The following FAM120C variants were observed in gnomAD, a reference collection of about 807,000 sequenced individuals.
FAM120C encodes family with sequence similarity 120 member C.
A neutral mutation model predicts 71.2 loss-of-function variants in FAM120C; 14 were observed. The observed-to-expected ratio is 0.20, with a 90% CI of 0.13 to 0.31. The LOEUF (loss-of-function observed/expected upper bound fraction) is 0.31. Among genes scored for constraint, FAM120C ranks in the 10% least tolerant of loss-of-function variants. The pLI, the probability that FAM120C is intolerant of heterozygous loss-of-function variation, is 1.00. For synonymous variants in FAM120C, 354 were observed against 353.2 expected (o/e 1.00, Z -0.03); for missense variants, 500 against 879.0 (o/e 0.57, Z 5.45).
chrX:54,149,172 T>C (rs2067172353), intron 4 of FAM120C, among the ~76,000 whole-genome samples: 1 of 112,053 alleles, frequency 8.9e-6, no homozygotes, highest in South Asian at 3.6e-4. Context: ...ACACCATAAA[T>C]CGAAATAAAT....
rs781942631 is a variant in FAM120C at position 54,183,018 on chromosome X, C to T, written c.181G>A (p.Val61Met). The T allele has an allele frequency of 6.0e-6, 7 of 1,158,544 alleles. No homozygotes were observed. Among genetic ancestry groups the T allele is most frequent in the East Asian group, 6.5e-5 (2 of 30,662 alleles). ...GGCGGAAGCGGCGGTTGCAGAGGCA[C>T]GGAGCCCCTGGCGGCGCGTGGAGCC... ...PGAPRAARGS[V>M]PLQPPLPPAA... is the part of the protein sequence containing the mutation. Residue 61 changes from valine (V) to methionine (M), a missense_variant, in exon 1 of 16, where the codon GTG (valine) becomes ATG (methionine). Transcript: ENST00000375180.
chrX:54,151,155 T>C, intron 4 of FAM120C, 90 bp downstream of exon 4: 1 of 1,032,298 alleles, frequency 9.7e-7, no homozygotes. Flanking sequence ...TAGGAAAACT[T>C]AGGTGTCACA....
chrX:54,103,289 T>C (rs1003861788), intron 10 of FAM120C, among the ~76,000 whole-genome samples: 1 of 111,398 alleles, frequency 9.0e-6, no homozygotes, highest in African/African-American at 3.3e-5. Context: ...ACTGAGGTAT[T>C]TGCCTTTCCT....
intron 1 of FAM120C, among the ~76,000 whole-genome samples, chrX:54,161,386 C>T (rs2067235320): frequency 9.0e-6 from 1 of 111,662 alleles, no homozygotes; most frequent in African/African-American, 3.3e-5. Context: ...CAACCTGGGT[C>T]ACATTGACAT....
In FAM120C at chrX:54,182,986, G is replaced by GTA; in HGVS notation, c.212_213insTA (p.Leu72ThrfsTer126). The GTA allele has an allele frequency of 8.6e-7, 1 of 1,160,978 alleles. No individual in the cohort carries two copies. Among genetic ancestry groups the GTA allele is most frequent in the Non-Finnish European group, 1.1e-6 (1 of 871,888 alleles). On this transcript the variant is annotated frameshift_variant, in exon 1 of 16. Coordinates refer to ENST00000375180, the MANE Select transcript of FAM120C (RefSeq NM_017848.6). LOFTEE classifies it high-confidence loss of function. ...CCGCGCCCCCGGAGTAGGCACCCAA[G>GTA]GCAGCGGGCGGAAGCGGCGGTTGCA...
chrX:54,160,019 T>C (rs2067228558), intron 1 of FAM120C, among the ~76,000 whole-genome samples: 1 of 111,071 alleles, frequency 9.0e-6, no homozygotes, highest in Non-Finnish European at 1.9e-5. Flanking sequence ...TTCACTCCTT[T>C]CATGAAACTT....
chrX:54,126,501 A>T (rs782428371), intron 9 of FAM120C, among the ~76,000 whole-genome samples: 65 of 112,003 alleles, frequency 5.8e-4, no homozygotes, highest in African/African-American at 2.1e-3. Context: ...ATTATGAGTG[A>T]ATTTTAGTGT....
chrX:54,117,297 G>A lies in FAM120C; in HGVS notation c.2063-503C>T, dbSNP rs782679711. Reference sequence around the variant, plus strand: ...GAGCCCAGGAGTTTGAGGCAGCAGTGAGCTATGATCTTCCCACTGCACTCC... The same window carrying A: ...GAGCCCAGGAGTTTGAGGCAGCAGTAAGCTATGATCTTCCCACTGCACTCC... On this transcript the variant is annotated intron_variant, in intron 9 of 15. Transcript: ENST00000375180. Among the ~76,000 whole-genome samples, 19 of 107,162 alleles carry A rather than the reference G, an allele frequency of 1.8e-4. No homozygotes were observed. In the Middle Eastern group the frequency reaches 0.024, roughly 134 times the overall value. 93.1% of individuals were successfully genotyped at this position (107,162 alleles called of 115,157 possible). A position where few individuals can be genotyped will look rare whatever the true frequency, so the allele number is the denominator to read the frequency against.
chrX:54,081,980 C>T (rs782807677), intron 13 of FAM120C, among the ~76,000 whole-genome samples: 8 of 108,665 alleles, frequency 7.4e-5, no homozygotes, highest in Non-Finnish European at 1.3e-4. Context: ...GTCAGGAGTT[C>T]GAGAGCAGCC....
chrX:54,174,965 G>A (rs1396058908), intron 1 of FAM120C, among the ~76,000 whole-genome samples: 33 of 110,581 alleles, frequency 3.0e-4, no homozygotes. Context: ...GACAAGGGCC[G>A]GAGAAATGAT....
At chrX:54,097,978 G>A (rs2066861843) in intron 10 of FAM120C, among the ~76,000 whole-genome samples, 1 of 109,973 alleles carries the variant, frequency 9.1e-6, no homozygotes, top group African/African-American at 3.3e-5. Flanking sequence ...CGCCCGCCTT[G>A]GCCTCCCAAA....
intron 11 of FAM120C, among the ~76,000 whole-genome samples, chrX:54,090,556 C>T (rs1478430685): frequency 9.0e-6 from 1 of 110,531 alleles, no homozygotes; most frequent in Non-Finnish European, 1.9e-5. Flanking sequence ...ATGTGACACA[C>T]TGGCTCCTCT....
chrX:54,155,190 T>C (rs1557133547), intron 3 of FAM120C, among the ~76,000 whole-genome samples: 5 of 111,239 alleles, frequency 4.5e-5, no homozygotes, highest in African/African-American at 1.6e-4. Context: ...GGCAACAGAA[T>C]GAGACCGTGT....
chrX:54,170,143 TTC>T (rs2067280107), intron 1 of FAM120C, among the ~76,000 whole-genome samples: 1 of 111,508 alleles, frequency 9.0e-6, no homozygotes, highest in South Asian at 3.8e-4. Flanking sequence ...TAGTACTTTT[TTC>T]TCTTTTCTGA....
chrX:54,171,151 T>C (rs2067285766), intron 1 of FAM120C, among the ~76,000 whole-genome samples: 1 of 111,710 alleles, frequency 9.0e-6, no homozygotes, highest in African/African-American at 3.3e-5. Context: ...TCCTAGCACT[T>C]TGGGAGGCTG....
At chrX:54,164,009 C>T (rs1273686207) in intron 1 of FAM120C, among the ~76,000 whole-genome samples, 8 of 108,752 alleles carry the variant, frequency 7.4e-5, no homozygotes, top group East Asian at 2.9e-4. Flanking sequence ...CTCGGCTCAC[C>T]GCAACCTTCG....
intron 3 of FAM120C, among the ~76,000 whole-genome samples, chrX:54,156,315 CTTTTTTTTTTT>C (rs35737980): frequency 1.4e-4 from 4 of 28,406 alleles, no homozygotes; most frequent in Non-Finnish European, 2.3e-4. Flanking sequence ...TCACAACAGT[CTTTTTTTTTTT>C]TTTTTTTTTT....
chrX:54,145,747 G>T (rs1220348718), intron 4 of FAM120C, among the ~76,000 whole-genome samples: 1 of 111,986 alleles, frequency 8.9e-6, no homozygotes, highest in Non-Finnish European at 1.9e-5. Flanking sequence ...AAGACAGTGT[G>T]GTGATTCCTC....
intron 4 of FAM120C, among the ~76,000 whole-genome samples, chrX:54,141,983 A>G (rs1454624091): frequency 8.9e-6 from 1 of 112,146 alleles, no homozygotes; most frequent in Admixed American, 9.6e-5. Context: ...ATAGGCAAAT[A>G]ATATTCATGG....
Sources: allele counts gnomAD v4.1 joint callset (sites outside exome capture counted in the v4.1 genomes callset), GRCh38; gene constraint gnomAD v4.1.1; transcripts MANE v1.5; gene names NCBI Gene and HGNC (gene_info 2026-07-23, HGNC 2026-07-21).